The following TMCC1 variants were observed in gnomAD, a reference collection of about 807,000 sequenced individuals.
The protein encoded by TMCC1 is transmembrane and coiled-coil domains protein 1.
In TMCC1, 15 loss-of-function variants were observed where a neutral mutation model predicts 52.4. The observed-to-expected ratio is 0.29, with a 90% CI of 0.19 to 0.44. TMCC1 has a LOEUF of 0.44. Ranked by LOEUF, TMCC1 falls within the 20% of genes least tolerant of loss-of-function variation. The pLI, the probability that TMCC1 is intolerant of heterozygous loss-of-function variation, is 1.00. For synonymous variants in TMCC1, 279 were observed against 301.9 expected (o/e 0.92, Z 0.79); for missense variants, 503 against 806.0 (o/e 0.62, Z 4.55).
intron 2 of TMCC1, among the ~76,000 whole-genome samples, chr3:129,877,786 G>A (rs1317543851): frequency 2.6e-5 from 4 of 151,468 alleles, no homozygotes; most frequent in South Asian, 2.1e-4. Context: ...GTGCCACCAC[G>A]CACAACTAAT....
At chr3:129,712,001 C>CAAAA (rs71155567) in intron 4 of TMCC1, among the ~76,000 whole-genome samples, 2,133 of 47,702 alleles carry the variant, frequency 0.045, 251 homozygotes, top group South Asian at 0.053. Context: ...GACTCTGTCT[C>CAAAA]AAAAAAAAAA....
intron 4 of TMCC1, among the ~76,000 whole-genome samples, chr3:129,772,738 A>C (rs60287075): frequency 5.4e-5 from 8 of 146,948 alleles, no homozygotes; most frequent in South Asian, 2.1e-4. Flanking sequence ...AAAAAAAAAA[A>C]AAAAAACTGA....
chr3:129,812,904 C>T (rs1034875020), intron 4 of TMCC1, among the ~76,000 whole-genome samples: 2 of 152,048 alleles, frequency 1.3e-5, no homozygotes, highest in African/African-American at 2.4e-5. Context: ...GGAGAAAATA[C>T]TTGAAAATAC....
intron 4 of TMCC1, among the ~76,000 whole-genome samples, chr3:129,811,901 GC>G (rs2057832075): frequency 6.6e-6 from 1 of 151,100 alleles, no homozygotes; most frequent in African/African-American, 2.4e-5. Flanking sequence ...CCCAGGTTGT[GC>G]CACTGCACTC....
chr3:129,854,681 C>G (rs2060073123), intron 2 of TMCC1, among the ~76,000 whole-genome samples: 2 of 152,130 alleles, frequency 1.3e-5, no homozygotes, highest in Admixed American at 1.3e-4. Context: ...ACAACCATCT[C>G]CCATCTATCC....
intron 4 of TMCC1, among the ~76,000 whole-genome samples, chr3:129,774,659 C>T (rs748292128): frequency 5.3e-5 from 8 of 152,108 alleles, no homozygotes; most frequent in Admixed American, 1.3e-4. Flanking sequence ...TAGGCTAAGA[C>T]CCAAGGGACC....
At chr3:129,799,705 G>A (rs967716485) in intron 4 of TMCC1, among the ~76,000 whole-genome samples, 3 of 152,030 alleles carry the variant, frequency 2.0e-5, no homozygotes, top group Admixed American at 6.5e-5. Context: ...CCAGCTGCTC[G>A]GGAGGCTGAG....
At chr3:129,868,440 C>T (rs2060757406) in intron 2 of TMCC1, among the ~76,000 whole-genome samples, 1 of 152,050 alleles carries the variant, frequency 6.6e-6, no homozygotes, top group South Asian at 2.1e-4. Context: ...TTAGCTGTTT[C>T]TTTTCTTTTC....
At chr3:129,695,250 G>C (rs1308153330) in intron 4 of TMCC1, among the ~76,000 whole-genome samples, 1 of 152,044 alleles carries the variant, frequency 6.6e-6, no homozygotes, top group Non-Finnish European at 1.5e-5. Flanking sequence ...GGAATGCTGG[G>C]TGTTGTCTAT....
intron 4 of TMCC1, among the ~76,000 whole-genome samples, chr3:129,671,535 T>C (rs1395030806): frequency 6.6e-6 from 1 of 152,236 alleles, no homozygotes; most frequent in African/African-American, 2.4e-5. Flanking sequence ...CAGTGTTTCT[T>C]CACACAATAA....
intron 4 of TMCC1, among the ~76,000 whole-genome samples, chr3:129,806,965 A>T (rs2057501676): frequency 1.3e-5 from 2 of 152,166 alleles, no homozygotes; most frequent in African/African-American, 4.8e-5. Flanking sequence ...GCTAAGAAAA[A>T]GATATATATA....
chr3:129,708,716 T>C (rs1047689894), intron 4 of TMCC1, among the ~76,000 whole-genome samples: 46 of 152,356 alleles, frequency 3.0e-4, no homozygotes, highest in African/African-American at 1.1e-3. Context: ...GAGACCTTGT[T>C]CCAGGCTGAC....
chr3:129,854,070 G>A (rs990388495), intron 2 of TMCC1, among the ~76,000 whole-genome samples: 2 of 152,028 alleles, frequency 1.3e-5, no homozygotes, highest in African/African-American at 4.8e-5. Flanking sequence ...ACCCCTTCAA[G>A]CCATTCTTTG....
intron 4 of TMCC1, among the ~76,000 whole-genome samples, chr3:129,731,036 A>G (rs1028101041): frequency 3.9e-5 from 6 of 152,212 alleles, no homozygotes; most frequent in Non-Finnish European, 7.3e-5. Context: ...TTAAACCCGG[A>G]GAAGATCTGT....
At chr3:129,875,863 G>A (rs928553151) in intron 2 of TMCC1, among the ~76,000 whole-genome samples, 2 of 152,228 alleles carry the variant, frequency 1.3e-5, no homozygotes, top group Non-Finnish European at 2.9e-5. Context: ...GGCCGGTGCC[G>A]TGGCTCACGC....
In TMCC1 at chr3:129,716,396, G is replaced by A. The variant is rs77346421; in HGVS notation, c.577-45132C>T. On this transcript the variant is annotated intron_variant, in intron 4 of 6. Coordinates refer to ENST00000393238, the MANE Select transcript of TMCC1 (RefSeq NM_001017395.5). ...GTCACTCAGGCTGGAGTGCAGTGGC[G>A]CGATCTCAGCTCACTGCAAGCTCTG... Among the ~76,000 whole-genome samples, 1,303 of 143,268 alleles carry A rather than the reference G, an allele frequency of 9.1e-3. 13 individuals carry two copies. Among genetic ancestry groups the A allele is most frequent in the Non-Finnish European group, 0.014 (950 of 66,438 alleles). 94.0% of individuals were successfully genotyped at this position (143,268 alleles called of 152,430 possible).
intron 4 of TMCC1, among the ~76,000 whole-genome samples, chr3:129,803,913 T>C (rs1177358145): frequency 1.3e-5 from 2 of 152,160 alleles, no homozygotes; most frequent in African/African-American, 2.4e-5. Context: ...AGGACAATAA[T>C]TACATTAAAA....
At chr3:129,695,129 ATAAT>A (rs1438968665) in intron 4 of TMCC1, among the ~76,000 whole-genome samples, 36 of 46,954 alleles carry the variant, frequency 7.7e-4, no homozygotes, top group Non-Finnish European at 1.6e-3. Context: ...AAAAAAAATC[ATAAT>A]TAATAATAAC....
At chr3:129,800,923 C>CTTTT (rs1459817260) in intron 4 of TMCC1, among the ~76,000 whole-genome samples, 9 of 103,360 alleles carry the variant, frequency 8.7e-5, no homozygotes, top group Non-Finnish European at 9.3e-5. Flanking sequence ...ACATCTCACA[C>CTTTT]TATTTTTTTT....
Sources: allele counts gnomAD v4.1 joint callset (sites outside exome capture counted in the v4.1 genomes callset), GRCh38; gene constraint gnomAD v4.1.1; transcripts MANE v1.5; gene names NCBI Gene and HGNC (gene_info 2026-07-23, HGNC 2026-07-21).